The following CSDE1 variants were observed in gnomAD, a reference collection of about 807,000 sequenced individuals.
The protein encoded by CSDE1 is cold shock domain containing E1.
CSDE1 carries 17 observed loss-of-function variants against 89.3 expected under a neutral mutation model. That is an observed-to-expected ratio of 0.19 (90% confidence interval 0.13 to 0.29). The LOEUF (loss-of-function observed/expected upper bound fraction) is 0.29. Among genes scored for constraint, CSDE1 ranks in the 10% least tolerant of loss-of-function variants. The probability of loss-of-function intolerance (pLI) is 1.00; values close to 1 mark genes in which losing one functional copy is unlikely to be tolerated. For missense variants in CSDE1, 672 were observed against 984.2 expected, an observed-to-expected ratio of 0.68 and a Z score of 4.24; for synonymous variants, 322 against 332.8, an observed-to-expected ratio of 0.97 and a Z score of 0.35.
At chr1:114,722,805 T>A (rs1659598100) in intron 16 of CSDE1, among the ~76,000 whole-genome samples, 1 of 152,166 alleles carries the variant, frequency 6.6e-6, no homozygotes, top group Non-Finnish European at 1.5e-5. Context: ...ATGGCATTTG[T>A]TTAAAAATTC....
intron 7 of CSDE1, 85 bp downstream of exon 7, chr1:114,734,357 G>GAA (rs57342611): frequency 4.7e-4 from 511 of 1,076,390 alleles, no homozygotes; most frequent in Non-Finnish European, 5.6e-4. Context: ...AGATAAAAAA[G>GAA]AAAAAAAAAA....
intron 17 of CSDE1, chr1:114,720,317 T>C (rs1219927491): frequency 2.4e-5 from 11 of 467,266 alleles, no homozygotes; most frequent in African/African-American, 4.0e-5. Flanking sequence ...CATTGCATAA[T>C]ATTAGTTACT....
chr1:114,718,698 T>C lies in CSDE1; in HGVS notation c.2264A>G (p.Asn755Ser), dbSNP rs377114291. The change falls in exon 19 of 20, where the codon AAT becomes AGT. Residue 755 changes from asparagine to serine, a missense_variant. Asn to Ser is a conservative substitution (Grantham distance 46, BLOSUM62 1). Around this residue, in one of 8 missense-constraint regions of CSDE1, gnomAD observed 206 missense variants for 332.4 expected, o/e 0.62. Transcript: ENST00000358528. The part of the protein sequence containing the change: ...VAAPRPDRLV[N>S]RLKNITLDDA... ...ATCCAGAGTGATATTCTTCAAGCGA[T>C]TGACCAACCGATCAGGTCGAGGAGC... The C allele has an allele frequency of 1.3e-4, 213 of 1,614,206 alleles. 1 individual carries two copies. The highest frequency in any genetic ancestry group is 4.8e-4 in the South Asian group (44 of 91,086).
intron 2 of CSDE1, chr1:114,746,630 G>T (rs1202166254): frequency 6.6e-6 from 1 of 152,136 alleles, no homozygotes; most frequent in East Asian, 1.9e-4. Context: ...GTAGCACATA[G>T]GTACTCACAG....
intron 16 of CSDE1, among the ~76,000 whole-genome samples, chr1:114,721,433 C>A (rs6693150): frequency 6.6e-6 from 1 of 152,144 alleles, no homozygotes; most frequent in South Asian, 2.1e-4. Flanking sequence ...CCGGTGCAGG[C>A]TACAGATAAA....
At chr1:114,753,361 C>G (rs1328294621) in intron 1 of CSDE1, among the ~76,000 whole-genome samples, 3 of 152,196 alleles carry the variant, frequency 2.0e-5, no homozygotes, top group Non-Finnish European at 4.4e-5. Flanking sequence ...AAAGCTCAAA[C>G]GAACCCACCA....
chr1:114,743,402 G>C (rs1046951408), intron 2 of CSDE1, among the ~76,000 whole-genome samples: 2 of 152,148 alleles, frequency 1.3e-5, no homozygotes, highest in Non-Finnish European at 2.9e-5. Flanking sequence ...ATGTTGACCA[G>C]GCTGTTCTCG....
At chr1:114,722,865 G>A (rs1409875549) in intron 16 of CSDE1, among the ~76,000 whole-genome samples, 2 of 152,160 alleles carry the variant, frequency 1.3e-5, no homozygotes, top group African/African-American at 4.8e-5. Context: ...GAAATTCTAA[G>A]AATCCCATGT....
intron 1 of CSDE1, among the ~76,000 whole-genome samples, chr1:114,754,539 C>A (rs75213507): frequency 0.013 from 1,938 of 152,322 alleles, 26 homozygotes; most frequent in Middle Eastern, 0.054. Context: ...TTCCTTTAGG[C>A]AGTATCTTCT....
rs946508049 is a variant in CSDE1 at position 114,720,289 on chromosome 1, C to T, written c.2052+250G>A. On this transcript the variant is annotated intron_variant, in intron 17 of 19. Coordinates refer to ENST00000358528, the MANE Select transcript of CSDE1 (RefSeq NM_001007553.3). ...TAGTCCTTCTATTCTGGAAATCTCA[C>T]CCCTAACTTATTTTCCCCATTGCAT... The T allele has an allele frequency of 7.6e-6, 3 of 393,098 alleles. No individual in the cohort carries two copies. In the East Asian group the frequency reaches 1.3e-4, roughly 17 times the overall value. The allele number at this position is 393,098 out of a possible 1,614,324, so 24.4% of individuals were successfully genotyped here. A position where few individuals can be genotyped will look rare whatever the true frequency, so the allele number is the denominator to read the frequency against.
chr1:114,748,004 G>A (rs1259174310), intron 2 of CSDE1, among the ~76,000 whole-genome samples: 1 of 152,088 alleles, frequency 6.6e-6, no homozygotes, highest in African/African-American at 2.4e-5. Context: ...AAGGTAAGAA[G>A]AAACAAATAG....
chr1:114,756,491 A>G (rs959447444), intron 1 of CSDE1, among the ~76,000 whole-genome samples: 2 of 152,216 alleles, frequency 1.3e-5, no homozygotes, highest in African/African-American at 4.8e-5. Flanking sequence ...CAATATCAAG[A>G]ATGTTTGCCT....
chr1:114,734,186 C>A, intron 7 of CSDE1, 69 bp from the exon 8 acceptor site: 2 of 1,527,436 alleles, frequency 1.3e-6, no homozygotes, highest in Non-Finnish European at 1.8e-6. Context: ...AACTTAAAAC[C>A]AGTAATTTTT....
At chr1:114,719,841 G>T (rs1455346574) in intron 17 of CSDE1, 99 bp from the exon 18 acceptor site, 3 of 1,210,160 alleles carry the variant, frequency 2.5e-6, no homozygotes, top group African/African-American at 1.5e-5. Flanking sequence ...ATAAAACATG[G>T]TATTAATGTT....
chr1:114,741,441 A>C, intron 2 of CSDE1: 4 of 1,266,918 alleles, frequency 3.2e-6, no homozygotes, highest in Non-Finnish European at 1.0e-6. Context: ...AGTCGGCAAG[A>C]TATTTCAACC....
chr1:114,730,204 A>C (rs1025671774), intron 12 of CSDE1, 54 bp downstream of exon 12: 1 of 1,580,704 alleles, frequency 6.3e-7, no homozygotes, highest in Non-Finnish European at 8.6e-7. Context: ...TGTGCTGTTA[A>C]AGCAGAAGAG....
intron 3 of CSDE1, among the ~76,000 whole-genome samples, chr1:114,739,451 G>T (rs887740300): frequency 2.6e-5 from 4 of 152,142 alleles, no homozygotes; most frequent in African/African-American, 9.7e-5. Flanking sequence ...AATCTTACGG[G>T]TAAACAGTCA....
At chr1:114,750,811 G>C (rs1661265600) in intron 1 of CSDE1, among the ~76,000 whole-genome samples, 1 of 152,212 alleles carries the variant, frequency 6.6e-6, no homozygotes, top group African/African-American at 2.4e-5. Flanking sequence ...GAGTATTCTA[G>C]GCATGAAACA....
At chr1:114,751,048 C>T (rs1284136354) in intron 1 of CSDE1, among the ~76,000 whole-genome samples, 6 of 152,130 alleles carry the variant, frequency 3.9e-5, no homozygotes, top group Non-Finnish European at 4.4e-5. Context: ...TAGCGGAGCC[C>T]GATTATGAAG....
Sources: allele counts gnomAD v4.1 joint callset (sites outside exome capture counted in the v4.1 genomes callset), GRCh38; gene constraint gnomAD v4.1.1; regional missense constraint gnomAD v4.1.1; transcripts MANE v1.5; gene names NCBI Gene and HGNC (gene_info 2026-07-23, HGNC 2026-07-21).